The following DERA variants were observed in gnomAD, a reference collection of about 807,000 sequenced individuals.
DERA encodes 2-deoxy-D-ribose 5-phosphate aldolase.
DERA carries 15 observed loss-of-function variants against 41.1 expected under a neutral mutation model. The ratio of observed to expected loss-of-function variants is 0.37; its 90% CI spans 0.24 to 0.56. DERA has a LOEUF of 0.56. Among genes scored for constraint, DERA ranks in the 20% least tolerant of loss-of-function variants. The probability of loss-of-function intolerance (pLI) is 0.81; values close to 1 mark genes in which losing one functional copy is unlikely to be tolerated. For synonymous variants in DERA, 139 were observed against 137.4 expected, an observed-to-expected ratio of 1.01 and a Z score of -0.08; for missense variants, 396 against 403.4, an observed-to-expected ratio of 0.98 and a Z score of 0.16.
intron 6 of DERA, among the ~76,000 whole-genome samples, chr12:16,006,463 T>C (rs1948911411): frequency 6.6e-6 from 1 of 152,222 alleles, no homozygotes; most frequent in Non-Finnish European, 1.5e-5. Context: ...CGTTACCTAT[T>C]AGTTAGTGAG....
At chr12:15,933,992 G>A (rs142064493) in intron 1 of DERA, among the ~76,000 whole-genome samples, 1 of 152,174 alleles carries the variant, frequency 6.6e-6, no homozygotes, top group African/African-American at 2.4e-5. Flanking sequence ...CTGTGGTTAA[G>A]TTACTCAGAG....
At chr12:15,932,060 C>T (rs1948332254) in intron 1 of DERA, among the ~76,000 whole-genome samples, 1 of 152,134 alleles carries the variant, frequency 6.6e-6, no homozygotes, top group African/African-American at 2.4e-5. Flanking sequence ...TGTAAATTAC[C>T]CAGTCTCAGT....
chr12:15,912,815 T>C (rs1041137407), intron 1 of DERA, among the ~76,000 whole-genome samples: 1 of 152,240 alleles, frequency 6.6e-6, no homozygotes, highest in African/African-American at 2.4e-5. Context: ...AGAGGTGTTC[T>C]GGATTTTTTG....
rs1156672370 is a variant in DERA, at chr12:15,994,774, G to A, written c.637+12338G>A. ...GGCCAGAAAATTCTTAAAATGGTGG[G>A]AAATTGGAATCCTTGAATGGATCCC... On this transcript the variant is annotated intron_variant, in intron 6 of 8. Coordinates refer to ENST00000428559, the MANE Select transcript of DERA (RefSeq NM_015954.4). This position sits in a 1 kb window ranked among gnomAD's most constrained non-coding sequence, Gnocchi z 4.8. Among the ~76,000 whole-genome samples, 1 of 152,174 alleles carries A rather than the reference G, an allele frequency of 6.6e-6. No individual in the cohort carries two copies. Among genetic ancestry groups the A allele is most frequent in the Non-Finnish European group, 1.5e-5 (1 of 68,026 alleles).
chr12:15,972,870 G>C lies in DERA; in HGVS notation c.509-9438G>C, dbSNP rs1045418880. On this transcript the variant is annotated intron_variant, in intron 5 of 8. Transcript: ENST00000428559. This position sits in a 1 kb window ranked among gnomAD's most constrained non-coding sequence, Gnocchi z 4.4. ...TAAAGAAAACTAAAATGCTATCGATGCAAGTTCCTGCTGGCGTGCGGGGAC... is the reference window on the plus strand; with the variant it reads ...TAAAGAAAACTAAAATGCTATCGATCCAAGTTCCTGCTGGCGTGCGGGGAC... Among the ~76,000 whole-genome samples, 3 of 152,214 alleles carry C rather than the reference G, an allele frequency of 2.0e-5. No homozygotes were observed. The East Asian group carries it at 5.8e-4, about 29-fold the overall frequency.
chr12:15,966,317 C>T lies in DERA; in HGVS notation c.508+3370C>T, dbSNP rs74737836. On this transcript the variant is annotated intron_variant, in intron 5 of 8. Coordinates refer to ENST00000428559, the MANE Select transcript of DERA (RefSeq NM_015954.4). The surrounding 1 kb of genome is among the most constrained non-coding windows in gnomAD (Gnocchi z 5.1). ...TATCTCTACTAAATATACAAAGATT[C>T]GTTGGGCATGGTGGCACATGCCTGT... Among the ~76,000 whole-genome samples the T allele has an allele frequency of 8.0e-3, 1,224 of 152,106 alleles. 12 individuals carry two copies. The highest frequency in any genetic ancestry group is 0.022 in the African/African-American group (916 of 41,502).
Position 16,036,739 on chromosome 12 carries a change from T to A in DERA, c.950T>A (p.Met317Lys). 6.3e-7 allele frequency: 1 copy of A among 1,597,304 alleles called. No homozygotes were observed. The highest frequency in any genetic ancestry group is 8.5e-7 in the Non-Finnish European group (1 of 1,173,992). The part of the protein sequence containing the change: ...GRYAAYHDLP[M>K]S ...TATGCAGCTTATCATGATCTTCCAA[T>A]GTCTTAAATCAGTCACCAGTTCCAG... Residue 317 changes from methionine (M) to lysine (K), a missense_variant, in exon 9 of 9, where the codon ATG (methionine) becomes AAG (lysine). Physicochemically the swap from Met to Lys is moderately conservative, Grantham distance 95 (BLOSUM62 -1). Coordinates refer to ENST00000428559, the MANE Select transcript of DERA (RefSeq NM_015954.4). This position sits in a 1 kb window ranked among gnomAD's most constrained non-coding sequence, Gnocchi z 4.9.
At position 16,028,965 on chromosome 12, in the gene DERA, G is replaced by A. The variant is rs545495788; in HGVS notation, c.638-3577G>A. On this transcript the variant is annotated intron_variant, in intron 6 of 8. Coordinates refer to ENST00000428559, the MANE Select transcript of DERA (RefSeq NM_015954.4). ...TCATACTAAAAAAAATCTATAAAGT[G>A]TGGACTTTGGTTAATAGTATATCAG... Among the ~76,000 whole-genome samples, 9 of 152,274 alleles carry A rather than the reference G, an allele frequency of 5.9e-5. No individual in the cohort carries two copies. The South Asian group carries it at 1.7e-3, about 28-fold the overall frequency.
At position 15,981,717 on chromosome 12, in the gene DERA, C is replaced by T. The variant is rs745547761; in HGVS notation, c.509-591C>T. Among the ~76,000 whole-genome samples the T allele has an allele frequency of 3.3e-5, 5 of 152,154 alleles. No individual in the cohort carries two copies. The highest frequency in any genetic ancestry group is 2.6e-4 in the Admixed American group (4 of 15,282). ...GATTTAAGGCAGCATCTCTGAGCCT[C>T]CCTGCAGAGATGGCTTTGTACACAT... On this transcript the variant is annotated intron_variant, in intron 5 of 8. Transcript: ENST00000428559. The surrounding 1 kb of genome is among the most constrained non-coding windows in gnomAD (Gnocchi z 6.1).
In DERA at chr12:15,990,993, G is replaced by C. The variant is rs944247066; in HGVS notation, c.637+8557G>C. Among the ~76,000 whole-genome samples, 1 of 152,018 alleles carries C rather than the reference G, an allele frequency of 6.6e-6. No individual in the cohort carries two copies. The highest frequency in any genetic ancestry group is 1.5e-5 in the Non-Finnish European group (1 of 67,970). On this transcript the variant is annotated intron_variant, in intron 6 of 8. Transcript: ENST00000428559. This position sits in a 1 kb window ranked among gnomAD's most constrained non-coding sequence, Gnocchi z 4.3. ...TACACAGTAATGGGATTCCTGGGTC[G>C]AAAGGTATTTCTGTCTTTAGATCTT...
At chr12:16,024,389 A>G (rs1391851083) in intron 6 of DERA, among the ~76,000 whole-genome samples, 2 of 152,202 alleles carry the variant, frequency 1.3e-5, no homozygotes, top group Non-Finnish European at 2.9e-5. Context: ...CAAATAGAAA[A>G]TCTTGCAAAA....
chr12:15,914,380 G>A (rs1359768940), intron 1 of DERA, among the ~76,000 whole-genome samples: 5 of 142,736 alleles, frequency 3.5e-5, no homozygotes, highest in African/African-American at 1.3e-4. Flanking sequence ...GACAGACTGT[G>A]TCTCAAAAAA....
Position 15,940,091 on chromosome 12 carries a change from A to G in DERA, c.32-16845A>G, listed in dbSNP as rs1948398342. On this transcript the variant is annotated intron_variant, in intron 1 of 8. Coordinates refer to ENST00000428559, the MANE Select transcript of DERA (RefSeq NM_015954.4). This position sits in a 1 kb window ranked among gnomAD's most constrained non-coding sequence, Gnocchi z 5.1. ...AATTTGTATCCATGTTGTCACTGCAAAATCACATAATTATGTGTTTATCCT... is the reference window on the plus strand; with the variant it reads ...AATTTGTATCCATGTTGTCACTGCAGAATCACATAATTATGTGTTTATCCT... 1.3e-5 allele frequency among the ~76,000 whole-genome samples: 2 copies of G among 152,238 alleles called. No individual in the cohort carries two copies. The highest frequency in any genetic ancestry group is 2.9e-5 in the Non-Finnish European group (2 of 68,042).
At position 15,999,428 on chromosome 12, in the gene DERA, G is replaced by A. The variant is rs993982077; in HGVS notation, c.637+16992G>A. The stretch of plus-strand genomic sequence containing the variant: ...GGGAAAGCAGGTGATGTGGGGACAC[G>A]TTTTCCAAGCACTTCAGGAACACAG... On this transcript the variant is annotated intron_variant, in intron 6 of 8. Coordinates refer to ENST00000428559, the MANE Select transcript of DERA (RefSeq NM_015954.4). This position sits in a 1 kb window ranked among gnomAD's most constrained non-coding sequence, Gnocchi z 5.3. Among the ~76,000 whole-genome samples, 2 of 152,200 alleles carry A rather than the reference G, an allele frequency of 1.3e-5. No homozygotes were observed. The highest frequency in any genetic ancestry group is 2.4e-5 in the African/African-American group (1 of 41,448).
rs1948855186 is a variant in DERA, at chr12:15,998,624, G to C, written c.637+16188G>C. ...GAGCCACCACGCCTGGCCTAACACA[G>C]GAAGTCTTTCAACTCACATTTGTAG... is the stretch of plus-strand genomic sequence containing the variant. On this transcript the variant is annotated intron_variant, in intron 6 of 8. Coordinates refer to ENST00000428559, the MANE Select transcript of DERA (RefSeq NM_015954.4). This position sits in a 1 kb window ranked among gnomAD's most constrained non-coding sequence, Gnocchi z 4.8. Among the ~76,000 whole-genome samples, 1 of 152,140 alleles carries C rather than the reference G, an allele frequency of 6.6e-6. No individual in the cohort carries two copies. The highest frequency in any genetic ancestry group is 2.4e-5 in the African/African-American group (1 of 41,424).
intron 5 of DERA, among the ~76,000 whole-genome samples, chr12:15,977,115 C>A (rs908846534): frequency 6.6e-6 from 1 of 152,224 alleles, no homozygotes; most frequent in African/African-American, 2.4e-5. Flanking sequence ...TCATTTTATG[C>A]AGCTTTTTTC....
chr12:16,014,244 G>A lies in DERA; in HGVS notation c.638-18298G>A, dbSNP rs563846132. ...CGAGGAGCCAAATGTTAATCACCAA[G>A]ACAGTGGGGGAAATGTCTCCAGGGC... On this transcript the variant is annotated intron_variant, in intron 6 of 8. Transcript: ENST00000428559. This position sits in a 1 kb window ranked among gnomAD's most constrained non-coding sequence, Gnocchi z 5.4. Among the ~76,000 whole-genome samples the A allele has an allele frequency of 6.6e-6, 1 of 152,326 alleles. No individual in the cohort carries two copies. Among genetic ancestry groups the A allele is most frequent in the South Asian group, 2.1e-4 (1 of 4,830 alleles).
chr12:15,948,832 A>C (rs1948472556), intron 1 of DERA, among the ~76,000 whole-genome samples: 1 of 152,098 alleles, frequency 6.6e-6, no homozygotes, highest in African/African-American at 2.4e-5. Context: ...TTGTGGTTTC[A>C]TCTACCTTTG....
At chr12:15,964,891 A>G (rs559072241) in intron 5 of DERA, among the ~76,000 whole-genome samples, 5 of 152,340 alleles carry the variant, frequency 3.3e-5, no homozygotes, top group African/African-American at 1.2e-4. Flanking sequence ...AAGAACTGAT[A>G]ATTTCCCAAT....
Sources: allele counts gnomAD v4.1 joint callset (sites outside exome capture counted in the v4.1 genomes callset), GRCh38; gene constraint gnomAD v4.1.1; non-coding constraint Gnocchi (gnomAD v3.1); transcripts MANE v1.5; gene names NCBI Gene and HGNC (gene_info 2026-07-23, HGNC 2026-07-21).